NRG1: variants seen among roughly 807,000 people sequenced by gnomAD.
NRG1 encodes the protein pro-neuregulin-1, membrane-bound isoform.
In NRG1, 18 loss-of-function variants were observed where a neutral mutation model predicts 63.8. The observed-to-expected ratio is 0.28, with a 90% CI of 0.19 to 0.42. The LOEUF (loss-of-function observed/expected upper bound fraction) is 0.42, where lower values mean the gene tolerates loss of function less well. NRG1 is among the 10% of genes least tolerant of loss of function. The pLI, the probability that NRG1 is intolerant of heterozygous loss-of-function variation, is 1.00. For missense variants in NRG1, 762 were observed against 814.7 expected (o/e 0.94, Z 0.79); for synonymous variants, 302 against 301.3 (o/e 1.00, Z -0.02).
At chr8:32,431,228 T>C (rs147253311) in intron 1 of NRG1, among the ~76,000 whole-genome samples, 61 of 152,288 alleles carry the variant, frequency 4.0e-4, no homozygotes, top group African/African-American at 1.3e-3. Flanking sequence ...TTATTTTATA[T>C]CAAGTGAACT....
intron 1 of NRG1, among the ~76,000 whole-genome samples, chr8:32,279,810 G>C (rs1017903974): frequency 1.3e-5 from 2 of 152,196 alleles, no homozygotes; most frequent in African/African-American, 4.8e-5. Flanking sequence ...ACCTGCGTCT[G>C]TTAGGTCTGA....
intron 3 of NRG1, among the ~76,000 whole-genome samples, chr8:32,606,146 AT>A (rs1043838704): frequency 4.8e-4 from 72 of 148,636 alleles, no homozygotes; most frequent in African/African-American, 1.7e-3. Flanking sequence ...TAACATATGT[AT>A]TATATATGTA....
chr8:32,310,697 C>A (rs760280583), intron 1 of NRG1, among the ~76,000 whole-genome samples: 3 of 152,178 alleles, frequency 2.0e-5, no homozygotes, highest in Non-Finnish European at 2.9e-5. Flanking sequence ...AAATAATAAT[C>A]ATGTCTATTC....
At chr8:32,729,779 C>T (rs182530783) in intron 6 of NRG1, among the ~76,000 whole-genome samples, 57 of 152,184 alleles carry the variant, frequency 3.7e-4, no homozygotes, top group Admixed American at 1.6e-3. Context: ...AAGCAACGAT[C>T]GAAAATGCCA....
chr8:31,701,959 T>C (rs1810674017), intron 1 of NRG1, among the ~76,000 whole-genome samples: 1 of 152,152 alleles, frequency 6.6e-6, no homozygotes, highest in African/African-American at 2.4e-5. Flanking sequence ...GAACTGTAAA[T>C]TTATGAGCCC....
intron 1 of NRG1, among the ~76,000 whole-genome samples, chr8:32,481,835 G>T (rs1016314284): frequency 6.6e-6 from 1 of 152,172 alleles, no homozygotes; most frequent in Non-Finnish European, 1.5e-5. Flanking sequence ...ATGAAAAAAG[G>T]CATCACAGTA....
intron 1 of NRG1, among the ~76,000 whole-genome samples, chr8:32,559,245 T>TAAAAAGAAAAAA (rs1835846830): frequency 1.0e-5 from 1 of 96,790 alleles, no homozygotes; most frequent in African/African-American, 3.6e-5. Flanking sequence ...CTCTAAAATG[T>TAAAAAGAAAAAA]AAAAAAAAAA....
chr8:32,276,769 G>A (rs1286344532), intron 1 of NRG1, among the ~76,000 whole-genome samples: 1 of 152,136 alleles, frequency 6.6e-6, no homozygotes, highest in Non-Finnish European at 1.5e-5. Context: ...CATTTTTAGG[G>A]AGCCCCTCTG....
intron 1 of NRG1, among the ~76,000 whole-genome samples, chr8:31,891,570 G>A (rs776367): frequency 0.51 from 77,132 of 152,008 alleles, 20,160 homozygotes; most frequent in East Asian, 0.75. Context: ...CCCATACTAG[G>A]AAAGAGTTCA....
intron 1 of NRG1, among the ~76,000 whole-genome samples, chr8:31,696,154 G>A (rs752782383): frequency 2.0e-5 from 3 of 152,220 alleles, no homozygotes; most frequent in South Asian, 2.1e-4. Flanking sequence ...TGCAACCTCC[G>A]CCTCACTGGT....
At chr8:31,710,894 T>G (rs139945396) in intron 1 of NRG1, among the ~76,000 whole-genome samples, 26 of 152,268 alleles carry the variant, frequency 1.7e-4, no homozygotes, top group African/African-American at 1.7e-4. Context: ...CTTTATGTTC[T>G]TTAACAGTCT....
intron 1 of NRG1, among the ~76,000 whole-genome samples, chr8:32,037,144 G>T (rs1474250487): frequency 3.3e-5 from 5 of 152,120 alleles, no homozygotes; most frequent in Non-Finnish European, 5.9e-5. Context: ...TGATATTGTT[G>T]TCCTGGCTTT....
intron 1 of NRG1, among the ~76,000 whole-genome samples, chr8:31,712,781 G>A (rs535221532): frequency 6.6e-6 from 1 of 151,954 alleles, no homozygotes; most frequent in African/African-American, 2.4e-5. Flanking sequence ...GGGTCTTCAT[G>A]CCTTAGGTAT....
chr8:32,137,377 G>A (rs1835677638), intron 1 of NRG1, among the ~76,000 whole-genome samples: 1 of 152,156 alleles, frequency 6.6e-6, no homozygotes. Context: ...GAGAGGCCAA[G>A]GTTGCAATGA....
intron 1 of NRG1, among the ~76,000 whole-genome samples, chr8:32,423,954 G>C (rs1279780128): frequency 6.6e-6 from 1 of 152,016 alleles, no homozygotes; most frequent in African/African-American, 2.4e-5. Context: ...ATGTTATTTT[G>C]AGCCGATATT....
At chr8:31,737,820 A>G (rs966503388) in intron 1 of NRG1, among the ~76,000 whole-genome samples, 2 of 152,082 alleles carry the variant, frequency 1.3e-5, no homozygotes, top group African/African-American at 2.4e-5. Flanking sequence ...CCACAGTTCA[A>G]TATATTTGGA....
intron 7 of NRG1, among the ~76,000 whole-genome samples, chr8:32,748,202 G>C (rs1325576363): frequency 6.6e-6 from 1 of 151,982 alleles, no homozygotes; most frequent in Non-Finnish European, 1.5e-5. Flanking sequence ...GAGATACCTT[G>C]CCATATCATT....
At chr8:31,758,212 C>T (rs1226053336) in intron 1 of NRG1, among the ~76,000 whole-genome samples, 1 of 152,092 alleles carries the variant, frequency 6.6e-6, no homozygotes, top group Non-Finnish European at 1.5e-5. Flanking sequence ...TTCCCCTAGA[C>T]TCCCACCCCA....
At chr8:32,364,283 A>G (rs1203497107) in intron 1 of NRG1, among the ~76,000 whole-genome samples, 1 of 152,050 alleles carries the variant, frequency 6.6e-6, no homozygotes, top group African/African-American at 2.4e-5. Flanking sequence ...GAAATATACT[A>G]TGAAAAGTCT....
Sources: gnomAD v4.1 joint callset for allele counts (sites outside exome capture counted in the v4.1 genomes callset) on GRCh38, gnomAD v4.1.1 for gene constraint, MANE v1.5 for transcripts, NCBI Gene and HGNC (gene_info 2026-07-23, HGNC 2026-07-21) for gene names.